PAK1: variants seen among roughly 807,000 people sequenced by gnomAD.
PAK1 encodes the protein p21 (RAC1) activated kinase 1, also known as serine/threonine-protein kinase PAK 1.
Under a neutral mutation model 67.4 loss-of-function variants are expected in PAK1, and 29 were observed. That is an observed-to-expected ratio of 0.43 (90% CI 0.32 to 0.59). The LOEUF (loss-of-function observed/expected upper bound fraction) is 0.59. Among genes scored for constraint, PAK1 ranks in the 20% least tolerant of loss-of-function variants. The probability of loss-of-function intolerance (pLI) is 0.07; values close to 1 mark genes in which losing one functional copy is unlikely to be tolerated. For missense variants in PAK1, 337 were observed against 670.7 expected (o/e 0.50, Z 5.50); for synonymous variants, 223 against 237.4 (o/e 0.94, Z 0.56).
the PAK1 span, among the ~76,000 whole-genome samples, chr11:77,498,087 A>C: frequency 6.6e-6 from 1 of 152,180 alleles, no homozygotes; most frequent in African/African-American, 2.4e-5. Context: ...GTATTCTGGA[A>C]ACGTAGAACA....
intron 5 of PAK1, among the ~76,000 whole-genome samples, chr11:77,361,674 T>G (rs1946811778): frequency 6.6e-6 from 1 of 152,132 alleles, no homozygotes; most frequent in South Asian, 2.1e-4. Flanking sequence ...AACAAAATAG[T>G]GAAAAGCACC....
At chr11:77,389,697 ATTAC>A (rs1450608765) in intron 2 of PAK1, among the ~76,000 whole-genome samples, 1 of 152,232 alleles carries the variant, frequency 6.6e-6, no homozygotes, top group Non-Finnish European at 1.5e-5. Context: ...CCATTTTAAA[ATTAC>A]TTGTCTTTCG....
chr11:77,326,441 G>C (rs1344737935), intron 14 of PAK1, among the ~76,000 whole-genome samples: 1 of 152,206 alleles, frequency 6.6e-6, no homozygotes, highest in Non-Finnish European at 1.5e-5. Context: ...TGCCATGCCT[G>C]TAATTCCAGC....
At chr11:77,501,679 A>G in the PAK1 span, among the ~76,000 whole-genome samples, 3 of 152,220 alleles carry the variant, frequency 2.0e-5, no homozygotes, top group Non-Finnish European at 4.4e-5. Flanking sequence ...TAGGAAGATC[A>G]GTATTGCTCC....
the PAK1 span, among the ~76,000 whole-genome samples, chr11:77,523,363 G>T: frequency 6.6e-6 from 1 of 151,278 alleles, no homozygotes; most frequent in Non-Finnish European, 1.5e-5. Flanking sequence ...GCTAAGAGTT[G>T]TTAATTATTG....
intron 2 of PAK1, among the ~76,000 whole-genome samples, chr11:77,387,507 C>A (rs1462584086): frequency 6.6e-6 from 1 of 152,208 alleles, no homozygotes; most frequent in African/African-American, 2.4e-5. Flanking sequence ...TCCCACTTTC[C>A]ACTTGTGAGA....
At chr11:77,461,211 G>A (rs1957327553) in intron 1 of PAK1, among the ~76,000 whole-genome samples, 1 of 152,186 alleles carries the variant, frequency 6.6e-6, no homozygotes, top group African/African-American at 2.4e-5. Flanking sequence ...TAAAATTACA[G>A]TATAATTTAT....
the PAK1 span, among the ~76,000 whole-genome samples, chr11:77,522,831 C>T: frequency 6.6e-6 from 1 of 152,140 alleles, no homozygotes; most frequent in Non-Finnish European, 1.5e-5. Flanking sequence ...AGGTGCCCAT[C>T]AATGGTGGAT....
rs115779447 is a variant in PAK1, at chr11:77,407,547, G to C, written c.-21-15006C>G. ...TTTTTCACGGCTTGAAAATGCACTC[G>C]GGAACAACCACAATGATATCTATAT... is the stretch of plus-strand genomic sequence containing the variant. On this transcript the variant is annotated intron_variant, in intron 1 of 14. Transcript: ENST00000356341. 2.6e-4 allele frequency among the ~76,000 whole-genome samples: 39 copies of C among 152,136 alleles called. No homozygotes were observed. In the East Asian group the frequency reaches 7.1e-3, roughly 28 times the overall value.
At chr11:77,457,428 T>C (rs1489701621) in intron 1 of PAK1, among the ~76,000 whole-genome samples, 2 of 152,242 alleles carry the variant, frequency 1.3e-5, no homozygotes, top group Non-Finnish European at 2.9e-5. Flanking sequence ...AAAGGTGCTT[T>C]GAAGGCTGCG....
chr11:77,330,615 A>T (rs1229529392), intron 14 of PAK1, among the ~76,000 whole-genome samples: 1 of 152,212 alleles, frequency 6.6e-6, no homozygotes, highest in African/African-American at 2.4e-5. Flanking sequence ...CCTTCCTTAC[A>T]CCTTATACAA....
At chr11:77,508,740 A>G in the PAK1 span, among the ~76,000 whole-genome samples, 2 of 149,488 alleles carry the variant, frequency 1.3e-5, no homozygotes, top group East Asian at 4.1e-4. Flanking sequence ...GCTCACTGCA[A>G]GCTCCGCCTG....
chr11:77,454,778 T>C (rs952945315), intron 1 of PAK1, among the ~76,000 whole-genome samples: 2 of 152,182 alleles, frequency 1.3e-5, no homozygotes, highest in Non-Finnish European at 2.9e-5. Flanking sequence ...CAGGCCCTGA[T>C]TGTACATCCA....
intron 7 of PAK1, among the ~76,000 whole-genome samples, chr11:77,354,076 C>T (rs1462855891): frequency 6.6e-6 from 1 of 152,110 alleles, no homozygotes; most frequent in Non-Finnish European, 1.5e-5. Flanking sequence ...GGAAAAACTT[C>T]AGAAAGGTGA....
At chr11:77,492,192 G>A in the PAK1 span, among the ~76,000 whole-genome samples, 1 of 152,004 alleles carries the variant, frequency 6.6e-6, no homozygotes, top group African/African-American at 2.4e-5. Context: ...AAAGCTAGCC[G>A]GGCACGGTGG....
Position 77,374,355 on chromosome 11 carries a change from A to G in PAK1, c.450T>C (p.Ala150=). 3 of 1,597,692 alleles carry G rather than the reference A, an allele frequency of 1.9e-6. No individual in the cohort carries two copies. The highest frequency in any genetic ancestry group is 2.6e-6 in the Non-Finnish European group (3 of 1,165,116). The change falls in exon 5 of 15, where the codon GCT becomes GCC. Residue 150 remains alanine, a synonymous_variant. Coordinates refer to ENST00000356341, the MANE Select transcript of PAK1 (RefSeq NM_002576.5). ...AGGCATTAGAAGAATTGTAATCCTC[A>G]GCTGACTTATCTGCACAGGAAGAAA... ...QKYMSFTDKS[A]EDYNSSNALN...
chr11:77,433,537 T>TG (rs567372648), intron 1 of PAK1, among the ~76,000 whole-genome samples: 8 of 152,142 alleles, frequency 5.3e-5, no homozygotes, highest in African/African-American at 1.2e-4. Context: ...CCCAGCACTT[T>TG]GGGGGGCCGA....
intron 2 of PAK1, among the ~76,000 whole-genome samples, chr11:77,387,823 A>C (rs1950636795): frequency 6.6e-6 from 1 of 152,224 alleles, no homozygotes; most frequent in African/African-American, 2.4e-5. Context: ...AACTCTATGC[A>C]GCTGGTATAA....
chr11:77,482,739 G>A, the PAK1 span, among the ~76,000 whole-genome samples: 2 of 151,864 alleles, frequency 1.3e-5, no homozygotes, highest in Non-Finnish European at 2.9e-5. Flanking sequence ...TAGCTGGGAT[G>A]ACAGGCACTC....
Sources: gnomAD v4.1 joint callset for allele counts (sites outside exome capture counted in the v4.1 genomes callset) on GRCh38, gnomAD v4.1.1 for gene constraint, MANE v1.5 for transcripts, NCBI Gene and HGNC (gene_info 2026-07-23, HGNC 2026-07-21) for gene names.